The following NCKAP1L variants were observed in gnomAD, a reference collection of about 807,000 sequenced individuals.
NCKAP1L encodes the protein nck-associated protein 1-like.
Under a neutral mutation model 139.2 loss-of-function variants are expected in NCKAP1L, and 53 were observed. The ratio of observed to expected loss-of-function variants is 0.38; its 90% CI spans 0.31 to 0.48. The LOEUF (loss-of-function observed/expected upper bound fraction) is 0.48, where lower values mean the gene tolerates loss of function less well. Ranked by LOEUF, NCKAP1L falls within the 20% of genes least tolerant of loss-of-function variation. NCKAP1L has a pLI of 0.98. For missense variants in NCKAP1L, 1,151 were observed against 1,381.9 expected (o/e 0.83, Z 2.65); for synonymous variants, 468 against 499.7 (o/e 0.94, Z 0.85).
intron 26 of NCKAP1L, among the ~76,000 whole-genome samples, chr12:54,534,575 A>G (rs1461109947): frequency 6.6e-6 from 1 of 152,220 alleles, no homozygotes; most frequent in Admixed American, 6.5e-5. Flanking sequence ...GATGAGATCT[A>G]AGGGATGGAC....
chr12:54,504,704 A>C (rs1364204334), intron 3 of NCKAP1L, among the ~76,000 whole-genome samples: 1 of 152,232 alleles, frequency 6.6e-6, no homozygotes, highest in Non-Finnish European at 1.5e-5. Flanking sequence ...AAACTGTATG[A>C]CTTTAGATAA....
Position 54,523,555 on chromosome 12 carries a change from C to G in NCKAP1L, c.2024+16C>G, listed in dbSNP as rs946136073. On this transcript the variant is annotated intron_variant, in intron 19 of 30. Coordinates refer to ENST00000293373, the MANE Select transcript of NCKAP1L (RefSeq NM_005337.5). ...TTGTCACCAAGTGAGGACCTGGGCC[C>G]TAGATGGCCAGCTGGGTACTGCATC... The G allele has an allele frequency of 6.2e-7, 1 of 1,606,460 alleles. No individual in the cohort carries two copies. Among genetic ancestry groups the G allele is most frequent in the African/African-American group, 1.3e-5 (1 of 74,274 alleles).
intron 5 of NCKAP1L, among the ~76,000 whole-genome samples, chr12:54,509,258 T>C (rs1427202411): frequency 1.3e-5 from 2 of 152,192 alleles, no homozygotes; most frequent in African/African-American, 4.8e-5. Context: ...TATGATGATG[T>C]GTATTCCCAC....
At chr12:54,533,516 G>C (rs1030095124) in intron 26 of NCKAP1L, among the ~76,000 whole-genome samples, 2 of 152,184 alleles carry the variant, frequency 1.3e-5, no homozygotes, top group Non-Finnish European at 2.9e-5. Context: ...AGGTGGCAAA[G>C]ATTTGGCTTC....
intron 9 of NCKAP1L, among the ~76,000 whole-genome samples, chr12:54,515,081 A>C (rs1956919800): frequency 6.6e-6 from 1 of 152,240 alleles, no homozygotes; most frequent in Non-Finnish European, 1.5e-5. Context: ...ATGGAGGCTC[A>C]GTCTCAGTGT....
intron 28 of NCKAP1L, 191 bp downstream of exon 28, chr12:54,536,436 GGGTA>G: frequency 1.0e-5 from 5 of 488,194 alleles, no homozygotes; most frequent in Non-Finnish European, 1.5e-5. Context: ...AAGGTGAGGT[GGGTA>G]GATCACTTGA....
At chr12:54,521,603 C>T (rs922270940) in intron 18 of NCKAP1L, among the ~76,000 whole-genome samples, 1 of 152,190 alleles carries the variant, frequency 6.6e-6, no homozygotes, top group Non-Finnish European at 1.5e-5. Context: ...CCTGTCTTAT[C>T]TCATCTTTCT....
chr12:54,528,402 G>C (rs749667743), intron 22 of NCKAP1L, 25 bp downstream of exon 22: 4 of 1,610,650 alleles, frequency 2.5e-6, no homozygotes, highest in Non-Finnish European at 3.4e-6. Context: ...TGGTCTTCTT[G>C]TCAAGGAGCT....
At chr12:54,536,728 A>C (rs1183832932) in intron 28 of NCKAP1L, among the ~76,000 whole-genome samples, 2 of 147,786 alleles carry the variant, frequency 1.4e-5, no homozygotes, top group African/African-American at 5.1e-5. Context: ...AAAAAAAAAA[A>C]ACCAGAATGA....
chr12:54,510,082 G>C (rs1956875438), intron 7 of NCKAP1L, 97 bp downstream of exon 7: 2 of 1,444,082 alleles, frequency 1.4e-6, no homozygotes, highest in Non-Finnish European at 1.9e-6. Context: ...CAGTACTAAA[G>C]AATGCTTTAG....
rs2120917448 is a variant in NCKAP1L at position 54,517,012 on chromosome 12, G to A, written c.1095+20G>A. 1 of 1,598,746 alleles carries A rather than the reference G, an allele frequency of 6.3e-7. No individual in the cohort carries two copies. On this transcript the variant is annotated intron_variant, in intron 11 of 30. Transcript: ENST00000293373. The stretch of plus-strand genomic sequence containing the variant: ...CCTAAGGCAAGAGGAAGAAATGTTG[G>A]GAGGGGAATGATGGCCAGTGATAAG...
intron 3 of NCKAP1L, among the ~76,000 whole-genome samples, chr12:54,504,085 T>C (rs763256002): frequency 2.3e-4 from 35 of 152,190 alleles, no homozygotes; most frequent in Non-Finnish European, 5.0e-4. Context: ...TAAATATGCA[T>C]ATAAAGAAGA....
Position 54,506,796 on chromosome 12 carries a change from AATATAT to A in NCKAP1L, c.307-1034_307-1029del, listed in dbSNP as rs1171488876. ...TTTTGGCAACATATTAAAAAAAAAA[AATATAT>A]ATATATATATATATATATATATTCC... On this transcript the variant is annotated intron_variant, in intron 3 of 30. Transcript: ENST00000293373. 1.4e-4 allele frequency among the ~76,000 whole-genome samples: 7 copies of A among 50,608 alleles called. No individual in the cohort carries two copies. In the South Asian group the frequency reaches 3.5e-3, roughly 26 times the overall value. The allele number at this position is 50,608 out of a possible 152,430, so 33.2% of individuals were successfully genotyped here.
intron 22 of NCKAP1L, among the ~76,000 whole-genome samples, chr12:54,530,774 C>T (rs982149289): frequency 1.3e-4 from 20 of 152,218 alleles, no homozygotes; most frequent in African/African-American, 4.8e-4. Context: ...CATCATAATA[C>T]TCCTTTATCC....
chr12:54,537,677 G>C (rs1957122635), intron 29 of NCKAP1L, among the ~76,000 whole-genome samples: 2 of 152,150 alleles, frequency 1.3e-5, no homozygotes, highest in African/African-American at 2.4e-5. Context: ...ATGTAAATCA[G>C]AATCACCTGG....
chr12:54,523,220 G>A (rs1197254934), intron 18 of NCKAP1L, among the ~76,000 whole-genome samples, 174 bp from the exon 19 acceptor site: 1 of 152,184 alleles, frequency 6.6e-6, no homozygotes. Context: ...ACTGAAAGAG[G>A]TGAGCACATT....
Position 54,500,550 on chromosome 12 carries a change from A to C in NCKAP1L, c.231A>C (p.Val77=), listed in dbSNP as rs201172877. The C allele has an allele frequency of 1.9e-5, 31 of 1,612,444 alleles. No individual in the cohort carries two copies. In the African/African-American group the frequency reaches 4.1e-4, roughly 21 times the overall value. The change falls in exon 3 of 31, where the codon GTA becomes GTC. Residue 77 remains valine (V), a synonymous_variant. Coordinates refer to ENST00000293373, the MANE Select transcript of NCKAP1L (RefSeq NM_005337.5). ...VRNSTQHLGP[V]HREKAEIIRF... is the part of the protein sequence containing the mutation. ...TCTCTCAGCAACATTTAGGACCAGT[A>C]CATCGTGAAAAAGCCGAGATAATTA...
At chr12:54,499,328 T>C (rs1565670543) in intron 1 of NCKAP1L, 27 bp from the exon 2 acceptor site, 1 of 1,251,336 alleles carries the variant, frequency 8.0e-7, no homozygotes. Flanking sequence ...GAGAAAGGGT[T>C]GAAATATATA....
In NCKAP1L at chr12:54,519,225, T is replaced by G. The variant is rs536388180; in HGVS notation, c.1518T>G (p.His506Gln). ...TGGCTAAGGCCCCTCTGCACCTGCA[T>G]GAGAACCCTGACTTAGCCAAGGTGA... ...TSVAKAPLHLHENPDLAKVMN... is the reference protein window; with the variant it reads ...TSVAKAPLHLQENPDLAKVMN... Residue 506 changes from histidine to glutamine, a missense_variant, in exon 16 of 31, where the codon CAT (histidine) becomes CAG (glutamine). His to Gln is a conservative substitution (Grantham distance 24). Coordinates refer to ENST00000293373, the MANE Select transcript of NCKAP1L (RefSeq NM_005337.5). 34 of 1,580,580 alleles carry G rather than the reference T, an allele frequency of 2.2e-5. No homozygotes were observed. In the East Asian group the frequency reaches 6.0e-4, roughly 28 times the overall value.
Sources: gnomAD v4.1 joint callset for allele counts (sites outside exome capture counted in the v4.1 genomes callset) on GRCh38, gnomAD v4.1.1 for gene constraint, MANE v1.5 for transcripts, NCBI Gene and HGNC (gene_info 2026-07-23, HGNC 2026-07-21) for gene names.